The following CMPK1 variants were observed in gnomAD, a reference collection of about 807,000 sequenced individuals.
The protein encoded by CMPK1 is cytidine/uridine monophosphate kinase 1.
CMPK1 carries 10 observed loss-of-function variants against 25.7 expected under a neutral mutation model. The ratio of observed to expected loss-of-function variants is 0.39; its 90% CI spans 0.24 to 0.66. The LOEUF is 0.66. Ranked by LOEUF, CMPK1 falls within the 30% of genes least tolerant of loss-of-function variation. CMPK1 has a pLI of 0.48. For synonymous variants in CMPK1, 106 were observed against 101.5 expected (o/e 1.04, Z -0.27); for missense variants, 199 against 280.5 (o/e 0.71, Z 2.08).
chr1:47,362,733 T>G (rs1253287047), intron 1 of CMPK1, among the ~76,000 whole-genome samples: 1 of 152,252 alleles, frequency 6.6e-6, no homozygotes, highest in Non-Finnish European at 1.5e-5. Flanking sequence ...ACTTCCATAC[T>G]TTAATATGTG....
intron 5 of CMPK1, among the ~76,000 whole-genome samples, chr1:47,376,470 C>G (rs1403482579): frequency 6.6e-6 from 1 of 152,030 alleles, no homozygotes; most frequent in Non-Finnish European, 1.5e-5. Context: ...TGCCCGCCAC[C>G]ACGCCTGGCT....
intron 1 of CMPK1, among the ~76,000 whole-genome samples, chr1:47,354,453 A>G (rs1262021414): frequency 2.6e-5 from 4 of 152,244 alleles, no homozygotes; most frequent in Admixed American, 2.0e-4. Context: ...AAAGTAAAAA[A>G]TGAAAGTTCT....
chr1:47,352,185 A>G (rs569016573), intron 1 of CMPK1, among the ~76,000 whole-genome samples: 2 of 152,316 alleles, frequency 1.3e-5, no homozygotes, highest in East Asian at 3.9e-4. Flanking sequence ...ATTGGGTTAT[A>G]TATCTTCTTA....
chr1:47,347,892 C>T (rs899414777), intron 1 of CMPK1, among the ~76,000 whole-genome samples: 1 of 152,124 alleles, frequency 6.6e-6, no homozygotes, highest in Non-Finnish European at 1.5e-5. Context: ...CAGTCTCCCA[C>T]AGTGCTGGGA....
At chr1:47,370,169 G>A (rs1396528799) in intron 2 of CMPK1, among the ~76,000 whole-genome samples, 8 of 141,574 alleles carry the variant, frequency 5.7e-5, no homozygotes, top group Non-Finnish European at 9.4e-5. Context: ...CACCCGCTTG[G>A]GCCTCCCAAA....
intron 1 of CMPK1, among the ~76,000 whole-genome samples, chr1:47,343,868 CAGAG>C (rs1321319189): frequency 6.7e-6 from 1 of 148,886 alleles, no homozygotes; most frequent in Admixed American, 6.8e-5. Flanking sequence ...GCCTGGATGA[CAGAG>C]AGAGACTCCG....
intron 1 of CMPK1, among the ~76,000 whole-genome samples, chr1:47,335,669 T>G (rs1163473481): frequency 6.7e-6 from 1 of 149,352 alleles, no homozygotes; most frequent in Admixed American, 6.7e-5. Flanking sequence ...TCATTTTAGG[T>G]GTCAAAGTGG....
chr1:47,338,544 C>CCTCCCTCTCTCCTTCCCTCT (rs1646416928), intron 1 of CMPK1, among the ~76,000 whole-genome samples: 1 of 134,606 alleles, frequency 7.4e-6, no homozygotes, highest in Non-Finnish European at 1.6e-5. Context: ...TCCTTCCCTC[C>CCTCCCTCTCTCCTTCCCTCT]CTCCCTCTCT....
At chr1:47,358,718 T>C (rs1381010711) in intron 1 of CMPK1, 4 of 985,234 alleles carry the variant, frequency 4.1e-6, no homozygotes, top group Admixed American at 6.2e-5. Flanking sequence ...CTGAGTTCTT[T>C]GTGTTTCTCC....
chr1:47,378,241 C>T lies in CMPK1; in HGVS notation c.*1496C>T, dbSNP rs1370241740. On this transcript the variant is annotated 3_prime_UTR_variant, in exon 6 of 6. Transcript: ENST00000371873. The stretch of plus-strand genomic sequence containing the variant: ...AACAAAGTATTGCTAAGTACTATAA[C>T]ATATTGGCCACTAAAATTCATATTG... 1 of 152,028 alleles carries T rather than the reference C, an allele frequency of 6.6e-6. No individual in the cohort carries two copies. Among genetic ancestry groups the T allele is most frequent in the Non-Finnish European group, 1.5e-5 (1 of 68,016 alleles). The allele number at this position is 152,028 out of a possible 1,614,324, so 9.4% of individuals were successfully genotyped here.
At chr1:47,374,583 G>A (rs1187710731) in intron 3 of CMPK1, among the ~76,000 whole-genome samples, 1 of 152,076 alleles carries the variant, frequency 6.6e-6, no homozygotes, top group East Asian at 1.9e-4. Flanking sequence ...TTTGAGGCAT[G>A]TAATTCATAC....
At chr1:47,337,687 C>T (rs1052368019) in intron 1 of CMPK1, among the ~76,000 whole-genome samples, 10 of 150,976 alleles carry the variant, frequency 6.6e-5, no homozygotes, top group African/African-American at 9.8e-5. Flanking sequence ...AATCTTGGCT[C>T]GCTGCAGCCT....
At chr1:47,369,268 A>C (rs1429256867) in intron 2 of CMPK1, among the ~76,000 whole-genome samples, 1 of 152,108 alleles carries the variant, frequency 6.6e-6, no homozygotes, top group East Asian at 1.9e-4. Context: ...GGCCTCCCAA[A>C]GTGCTGGGAT....
At chr1:47,368,661 G>C in intron 2 of CMPK1, 46 bp downstream of exon 2, 1 of 1,443,922 alleles carries the variant, frequency 6.9e-7, no homozygotes, top group African/African-American at 1.4e-5. Flanking sequence ...GAGGAAAGAA[G>C]AAATTAAATT....
At chr1:47,352,981 G>T (rs1372060698) in intron 1 of CMPK1, among the ~76,000 whole-genome samples, 1 of 152,126 alleles carries the variant, frequency 6.6e-6, no homozygotes, top group Non-Finnish European at 1.5e-5. Flanking sequence ...GCCAAATGAT[G>T]ATTTCTCTCA....
intron 1 of CMPK1, among the ~76,000 whole-genome samples, chr1:47,353,081 AAG>A (rs1401974753): frequency 6.6e-6 from 1 of 152,162 alleles, no homozygotes; most frequent in Non-Finnish European, 1.5e-5. Flanking sequence ...AAAGTCAATT[AAG>A]AGAGGTTACT....
intron 1 of CMPK1, among the ~76,000 whole-genome samples, chr1:47,360,814 A>G (rs1293965133): frequency 6.6e-6 from 1 of 152,222 alleles, no homozygotes; most frequent in Non-Finnish European, 1.5e-5. Flanking sequence ...CCAAAAGACC[A>G]CCAGGATGGC....
chr1:47,362,331 G>A lies in CMPK1; in HGVS notation c.172-6138G>A, dbSNP rs369254636. On this transcript the variant is annotated intron_variant, in intron 1 of 5. Coordinates refer to ENST00000371873, the MANE Select transcript of CMPK1 (RefSeq NM_016308.3). Reference sequence around the variant, plus strand: ...ATTACAGGCACACACCACCACGCCCGGCTAATTTTTTGTATTTTTAGTAGA... The same window carrying A: ...ATTACAGGCACACACCACCACGCCCAGCTAATTTTTTGTATTTTTAGTAGA... Among the ~76,000 whole-genome samples the A allele has an allele frequency of 1.2e-4, 18 of 150,238 alleles. 1 individual carries two copies. The South Asian group carries it at 3.6e-3, about 30-fold the overall frequency.
At chr1:47,342,724 A>C (rs1646450658) in intron 1 of CMPK1, among the ~76,000 whole-genome samples, 1 of 139,930 alleles carries the variant, frequency 7.1e-6, no homozygotes, top group African/African-American at 2.7e-5. Flanking sequence ...ATCTCAGCTC[A>C]CTGCAGCTTC....
Sources: gnomAD v4.1 joint callset for allele counts (sites outside exome capture counted in the v4.1 genomes callset) on GRCh38, gnomAD v4.1.1 for gene constraint, MANE v1.5 for transcripts, NCBI Gene and HGNC (gene_info 2026-07-23, HGNC 2026-07-21) for gene names.